HTR1F: variants seen among roughly 807,000 people sequenced by gnomAD.
The protein encoded by HTR1F is 5-hydroxytryptamine receptor 1F.
HTR1F carries 17 observed loss-of-function variants against 24.0 expected under a neutral mutation model. The ratio of observed to expected loss-of-function variants is 0.71; its 90% CI spans 0.48 to 1.06. The LOEUF is 1.06. Among genes scored for constraint, HTR1F ranks in the 50% least tolerant of loss-of-function variants. HTR1F has a pLI of 0.00. For synonymous variants in HTR1F, 186 were observed against 156.8 expected (o/e 1.19, Z -1.39); for missense variants, 391 against 427.8 (o/e 0.91, Z 0.76).
intron 2 of HTR1F, among the ~76,000 whole-genome samples, chr3:87,841,900 C>CAA (rs1463648976): frequency 0.16 from 9,160 of 57,224 alleles, 669 homozygotes; most frequent in African/African-American, 0.23. Flanking sequence ...GATTCTGTCT[C>CAA]AAAAAAAAAA....
intron 2 of HTR1F, among the ~76,000 whole-genome samples, chr3:87,957,007 T>C (rs1304773028): frequency 2.6e-5 from 4 of 151,240 alleles, no homozygotes; most frequent in Admixed American, 2.0e-4. Flanking sequence ...ATAGAAATGG[T>C]AAAAGTAAGC....
chr3:87,933,803 C>T (rs898115840), intron 2 of HTR1F, among the ~76,000 whole-genome samples: 2 of 152,130 alleles, frequency 1.3e-5, no homozygotes, highest in Non-Finnish European at 2.9e-5. Flanking sequence ...ACATTCAATG[C>T]CATAGTCTTT....
chr3:87,841,923 G>GAAAAA (rs370439117), intron 2 of HTR1F, among the ~76,000 whole-genome samples: 7 of 114,952 alleles, frequency 6.1e-5, no homozygotes, highest in East Asian at 2.7e-4. Context: ...AAAAGAAAAA[G>GAAAAA]AAAAAAAAAA....
At chr3:87,834,882 G>GAA (rs980254739) in intron 2 of HTR1F, among the ~76,000 whole-genome samples, 6 of 152,174 alleles carry the variant, frequency 3.9e-5, no homozygotes, top group African/African-American at 1.4e-4. Flanking sequence ...TGGCTTTTAT[G>GAA]CTGCAATGGT....
chr3:87,980,877 G>A (rs1310376400), intron 2 of HTR1F, among the ~76,000 whole-genome samples: 1 of 152,196 alleles, frequency 6.6e-6, no homozygotes, highest in African/African-American at 2.4e-5. Context: ...GGAGTGGGGA[G>A]AGATCAGGCA....
intron 2 of HTR1F, among the ~76,000 whole-genome samples, chr3:87,930,461 A>G (rs1334174592): frequency 1.3e-5 from 2 of 152,194 alleles, no homozygotes; most frequent in Admixed American, 6.6e-5. Flanking sequence ...ATGTTCCTGC[A>G]ATACCCAGTC....
intron 2 of HTR1F, among the ~76,000 whole-genome samples, chr3:87,924,065 T>C (rs1459733758): frequency 6.6e-6 from 1 of 152,140 alleles, no homozygotes; most frequent in South Asian, 2.1e-4. Flanking sequence ...TTGAGAAATA[T>C]TGGTAGTAGT....
At chr3:87,910,622 C>A (rs757978836) in intron 2 of HTR1F, among the ~76,000 whole-genome samples, 33 of 152,120 alleles carry the variant, frequency 2.2e-4, no homozygotes, top group Non-Finnish European at 3.5e-4. Flanking sequence ...CCAAATGGAT[C>A]TTATAGACCT....
At chr3:87,833,846 C>T (rs1413838666) in intron 2 of HTR1F, among the ~76,000 whole-genome samples, 1 of 151,940 alleles carries the variant, frequency 6.6e-6, no homozygotes, top group Admixed American at 6.6e-5. Flanking sequence ...TATATTTTTA[C>T]GTAATTGAGA....
intron 2 of HTR1F, among the ~76,000 whole-genome samples, chr3:87,969,204 G>A (rs1705233933): frequency 6.6e-6 from 1 of 152,248 alleles, no homozygotes; most frequent in Non-Finnish European, 1.5e-5. Flanking sequence ...ATTCCCCACT[G>A]GGGCACTGCC....
chr3:87,881,314 A>C (rs1559617061), intron 2 of HTR1F, among the ~76,000 whole-genome samples: 1 of 152,188 alleles, frequency 6.6e-6, no homozygotes, highest in Non-Finnish European at 1.5e-5. Flanking sequence ...ACACCAACAG[A>C]GCCTTGCTCA....
intron 2 of HTR1F, among the ~76,000 whole-genome samples, chr3:87,890,236 T>C (rs2107303610): frequency 6.6e-6 from 1 of 152,328 alleles, no homozygotes; most frequent in African/African-American, 2.4e-5. Flanking sequence ...ATTCAGTGCA[T>C]TAACACACTG....
intron 2 of HTR1F, among the ~76,000 whole-genome samples, chr3:87,962,807 T>G (rs1452029363): frequency 6.6e-6 from 1 of 152,012 alleles, no homozygotes; most frequent in Non-Finnish European, 1.5e-5. Context: ...GGAAAGAACA[T>G]TTTAAAATAA....
In HTR1F at chr3:87,852,421, A is replaced by C. The variant is rs556458288; in HGVS notation, c.-43+30297A>C. ...AATTGCTATTTCTTAATTCATTTGG[A>C]ATTTATTTTGCATATAATATGAAGT... On this transcript the variant is annotated intron_variant, in intron 2 of 2. Transcript: ENST00000319595. Among the ~76,000 whole-genome samples, 46 of 151,734 alleles carry C rather than the reference A, an allele frequency of 3.0e-4. 1 individual carries two copies. In the South Asian group the frequency reaches 8.7e-3, roughly 29 times the overall value.
intron 2 of HTR1F, among the ~76,000 whole-genome samples, chr3:87,888,656 A>T (rs978912655): frequency 2.0e-5 from 3 of 152,164 alleles, no homozygotes; most frequent in African/African-American, 7.2e-5. Flanking sequence ...CTAAATAATT[A>T]GTGGCTATAA....
chr3:87,810,903 A>G (rs1390586040), intron 1 of HTR1F, among the ~76,000 whole-genome samples: 3 of 152,208 alleles, frequency 2.0e-5, no homozygotes, highest in African/African-American at 7.2e-5. Flanking sequence ...CAGTATGTGT[A>G]TACACTGACA....
At chr3:87,903,671 T>C (rs531063532) in intron 2 of HTR1F, among the ~76,000 whole-genome samples, 8 of 151,908 alleles carry the variant, frequency 5.3e-5, no homozygotes, top group Non-Finnish European at 1.2e-4. Flanking sequence ...TTTTACACTG[T>C]TGGTGGGACT....
In HTR1F at chr3:87,869,078, T is replaced by C. The variant is rs370738177; in HGVS notation, c.-43+46954T>C. Among the ~76,000 whole-genome samples the C allele has an allele frequency of 5.9e-5, 9 of 151,992 alleles. No homozygotes were observed. The South Asian group carries it at 6.2e-4, about 10-fold the overall frequency. The stretch of plus-strand genomic sequence containing the variant: ...AATAATAAGATAACAAGGAAGAAAG[T>C]AACTGCCCTCAATCCTTGAACTTTA... On this transcript the variant is annotated intron_variant, in intron 2 of 2. Transcript: ENST00000319595.
At chr3:87,922,402 T>A (rs539605374) in intron 2 of HTR1F, among the ~76,000 whole-genome samples, 1 of 152,054 alleles carries the variant, frequency 6.6e-6, no homozygotes, top group East Asian at 1.9e-4. Flanking sequence ...TTCTTCTATA[T>A]GGTAAATATT....
Sources: gnomAD v4.1 joint callset for allele counts (sites outside exome capture counted in the v4.1 genomes callset) on GRCh38, gnomAD v4.1.1 for gene constraint, MANE v1.5 for transcripts, NCBI Gene and HGNC (gene_info 2026-07-23, HGNC 2026-07-21) for gene names.